FAM20B: variants seen among roughly 807,000 people sequenced by gnomAD.
The protein encoded by FAM20B is FAM20B glycosaminoglycan xylosylkinase.
A neutral mutation model predicts 43.8 loss-of-function variants in FAM20B; 23 were observed. The ratio of observed to expected loss-of-function variants is 0.53; its 90% CI spans 0.38 to 0.74. FAM20B has a LOEUF of 0.74. Among genes scored for constraint, FAM20B ranks in the 30% least tolerant of loss-of-function variants. The pLI, the probability that FAM20B is intolerant of heterozygous loss-of-function variation, is 0.00. For synonymous variants in FAM20B, 178 were observed against 192.4 expected (o/e 0.93, Z 0.62); for missense variants, 440 against 510.5 (o/e 0.86, Z 1.33).
chr1:179,027,215 C>T (rs1649825160), intron 1 of FAM20B, among the ~76,000 whole-genome samples: 1 of 152,094 alleles, frequency 6.6e-6, no homozygotes, highest in Non-Finnish European at 1.5e-5. Context: ...TTACTATTGC[C>T]ATTTATTAGC....
At position 179,064,183 on chromosome 1, in the gene FAM20B, A is replaced by G. The variant is rs1356610122; in HGVS notation, c.746+85A>G. 2.1e-6 allele frequency: 3 copies of G among 1,431,378 alleles called. No homozygotes were observed. In the East Asian group the frequency reaches 6.9e-5, roughly 33 times the overall value. The allele number at this position is 1,431,378 out of a possible 1,614,324, so 88.7% of individuals were successfully genotyped here. Reference sequence around the variant, plus strand: ...TGTAAAGGAGCCAGCAGTTCTGTCCAAGAGTGAAAAGAACTGTGGAGTCAG... The same window carrying G: ...TGTAAAGGAGCCAGCAGTTCTGTCCGAGAGTGAAAAGAACTGTGGAGTCAG... On this transcript the variant is annotated intron_variant, in intron 5 of 7. Transcript: ENST00000263733.
chr1:179,034,415 A>G (rs1180193120), intron 1 of FAM20B, among the ~76,000 whole-genome samples: 1 of 151,850 alleles, frequency 6.6e-6, no homozygotes, highest in East Asian at 1.9e-4. Context: ...TTTTTTTAAT[A>G]ATGGAGACAG....
intron 7 of FAM20B, among the ~76,000 whole-genome samples, chr1:179,068,071 G>A (rs957607462): frequency 6.6e-6 from 1 of 152,012 alleles, no homozygotes; most frequent in Non-Finnish European, 1.5e-5. Context: ...CCATCCTGGT[G>A]TAATTTTAGA....
intron 7 of FAM20B, among the ~76,000 whole-genome samples, chr1:179,070,558 T>C (rs4652351): frequency 0.7 from 91,117 of 130,224 alleles, 32,699 homozygotes; most frequent in African/African-American, 0.88. Context: ...GGAGTCTTGC[T>C]CTTTTGCCCA....
intron 1 of FAM20B, among the ~76,000 whole-genome samples, chr1:179,034,925 T>C (rs778445279): frequency 3.3e-5 from 5 of 152,218 alleles, no homozygotes; most frequent in East Asian, 1.9e-4. Context: ...GTGAAACTTA[T>C]GTTTACTTTT....
chr1:179,067,559 G>T (rs1460122808), intron 7 of FAM20B, among the ~76,000 whole-genome samples: 1 of 152,070 alleles, frequency 6.6e-6, no homozygotes, highest in African/African-American at 2.4e-5. Context: ...AGCCGAGATT[G>T]TGCCATTGCA....
At chr1:179,055,975 T>C (rs536586281) in intron 4 of FAM20B, among the ~76,000 whole-genome samples, 7 of 152,348 alleles carry the variant, frequency 4.6e-5, no homozygotes, top group South Asian at 4.1e-4. Context: ...TTTTAGACTT[T>C]ATTGTTTTTA....
At chr1:179,052,335 A>G (rs1651041996) in intron 3 of FAM20B, among the ~76,000 whole-genome samples, 1 of 152,172 alleles carries the variant, frequency 6.6e-6, no homozygotes, top group African/African-American at 2.4e-5. Context: ...AAAAATTCAG[A>G]TGAGATACTG....
chr1:179,046,099 C>G (rs561694647), intron 2 of FAM20B, among the ~76,000 whole-genome samples: 2 of 152,286 alleles, frequency 1.3e-5, no homozygotes, highest in Admixed American at 6.5e-5. Context: ...GTGTAACTAA[C>G]TTGACAAGGT....
At chr1:179,030,364 C>T (rs1649958403) in intron 1 of FAM20B, among the ~76,000 whole-genome samples, 1 of 151,992 alleles carries the variant, frequency 6.6e-6, no homozygotes, top group Non-Finnish European at 1.5e-5. Flanking sequence ...TCAGAAAGCA[C>T]TGCCAATAAT....
intron 1 of FAM20B, among the ~76,000 whole-genome samples, chr1:179,032,611 T>C (rs1650061729): frequency 6.6e-6 from 1 of 152,178 alleles, no homozygotes; most frequent in Admixed American, 6.5e-5. Flanking sequence ...ACCCCTCTGC[T>C]ACAGAAAGCT....
chr1:179,054,394 C>A, intron 3 of FAM20B, 135 bp from the exon 4 acceptor site: 1 of 533,198 alleles, frequency 1.9e-6, no homozygotes, highest in South Asian at 2.6e-5. Context: ...ATATATGTAC[C>A]TCTAAAAAAT....
chr1:179,027,152 T>A lies in FAM20B; in HGVS notation c.-134+1054T>A, dbSNP rs1649822424. On this transcript the variant is annotated intron_variant, in intron 1 of 7. Transcript: ENST00000263733. Reference sequence around the variant, plus strand: ...GGAAGTAGGAATGTGGGGTTTTTTTTAGCCTTTAGCCTTTAAACTGTAGGA... The same window carrying A: ...GGAAGTAGGAATGTGGGGTTTTTTTAAGCCTTTAGCCTTTAAACTGTAGGA... Among the ~76,000 whole-genome samples the A allele has an allele frequency of 4.6e-5, 7 of 152,214 alleles. No homozygotes were observed. The South Asian group carries it at 1.5e-3, about 32-fold the overall frequency.
At chr1:179,030,090 T>C (rs569742664) in intron 1 of FAM20B, among the ~76,000 whole-genome samples, 4 of 152,316 alleles carry the variant, frequency 2.6e-5, no homozygotes, top group Admixed American at 2.0e-4. Context: ...CAGCTTCTTA[T>C]CTGTGGAGTA....
intron 1 of FAM20B, among the ~76,000 whole-genome samples, chr1:179,041,395 T>C (rs1160959121): frequency 1.3e-5 from 2 of 152,094 alleles, no homozygotes; most frequent in African/African-American, 4.8e-5. Flanking sequence ...AGACTCCGTC[T>C]GCAATCCCGG....
chr1:179,050,896 C>T (rs1490909488), intron 3 of FAM20B, among the ~76,000 whole-genome samples: 1 of 152,088 alleles, frequency 6.6e-6, no homozygotes, highest in Non-Finnish European at 1.5e-5. Context: ...CCAAGGTGGG[C>T]AGATTGCATG....
chr1:179,017,343 T>G, the FAM20B span, among the ~76,000 whole-genome samples: 1 of 152,248 alleles, frequency 6.6e-6, no homozygotes, highest in African/African-American at 2.4e-5. Context: ...CAGCTCCTGT[T>G]GGTTTCAACT....
intron 1 of FAM20B, among the ~76,000 whole-genome samples, chr1:179,040,462 G>A (rs1206789314): frequency 2.0e-5 from 3 of 147,482 alleles, no homozygotes; most frequent in Non-Finnish European, 3.0e-5. Flanking sequence ...CTCACCTCCC[G>A]GACGAGGCGG....
intron 4 of FAM20B, among the ~76,000 whole-genome samples, chr1:179,061,767 G>T (rs1651474646): frequency 6.6e-6 from 1 of 152,168 alleles, no homozygotes; most frequent in Admixed American, 6.5e-5. Flanking sequence ...TTGTCATTCT[G>T]TTGAAGGGTA....
Sources: gnomAD v4.1 joint callset for allele counts (sites outside exome capture counted in the v4.1 genomes callset) on GRCh38, gnomAD v4.1.1 for gene constraint, MANE v1.5 for transcripts, NCBI Gene and HGNC (gene_info 2026-07-23, HGNC 2026-07-21) for gene names.